The following G2E3 variants were observed in gnomAD, a reference collection of about 807,000 sequenced individuals.
G2E3 encodes the protein G2/M phase-specific E3 ubiquitin-protein ligase.
Under a neutral mutation model 92.8 loss-of-function variants are expected in G2E3, and 35 were observed. The observed-to-expected ratio is 0.38, with a 90% CI of 0.29 to 0.50. The LOEUF (loss-of-function observed/expected upper bound fraction) is 0.50, where lower values mean the gene tolerates loss of function less well. G2E3 is among the 20% of genes least tolerant of loss of function. G2E3 has a pLI of 0.94. For synonymous variants in G2E3, 242 were observed against 272.4 expected, an observed-to-expected ratio of 0.89 and a Z score of 1.10; for missense variants, 554 against 823.8, an observed-to-expected ratio of 0.67 and a Z score of 4.01.
intron 5 of G2E3, 45 bp from the exon 6 acceptor site, chr14:30,593,429 G>C (rs1360422272): frequency 1.1e-6 from 1 of 911,644 alleles, no homozygotes; most frequent in African/African-American, 1.7e-5. Context: ...TCCAAGTTTT[G>C]CTTTGCAGTT....
chr14:30,567,294 G>C (rs1879493524), intron 1 of G2E3, among the ~76,000 whole-genome samples: 1 of 152,040 alleles, frequency 6.6e-6, no homozygotes, highest in African/African-American at 2.4e-5. Flanking sequence ...ACCCATCTGG[G>C]CTAGGACTTT....
intron 3 of G2E3, among the ~76,000 whole-genome samples, chr14:30,588,056 G>C (rs1029729284): frequency 1.3e-5 from 2 of 152,108 alleles, no homozygotes; most frequent in Admixed American, 1.3e-4. Context: ...TTGTGCCTCC[G>C]TACCTCAAAG....
chr14:30,597,387 C>G, intron 6 of G2E3, 33 bp from the exon 7 acceptor site: 2 of 1,012,376 alleles, frequency 2.0e-6, no homozygotes, highest in Non-Finnish European at 3.2e-6. Context: ...AGATTTAAAT[C>G]ATTAACAGTA....
At position 30,589,469 on chromosome 14, in the gene G2E3, T is replaced by A; in HGVS notation, c.222T>A (p.Asn74Lys). Residue 74 changes from asparagine to lysine, a missense_variant, in exon 4 of 15, where the codon AAT (asparagine) becomes AAA (lysine). Coordinates refer to ENST00000206595, the MANE Select transcript of G2E3 (RefSeq NM_017769.5). ...FLIEDIRKEV[N>K]RASKLKCCVC... ...TAGAAGATATCAGGAAGGAAGTGAA[T>A]AGAGCTTCTAAACTGGTAAGTAAAT... The A allele has an allele frequency of 4.1e-6, 6 of 1,456,234 alleles. No homozygotes were observed. Among genetic ancestry groups the A allele is most frequent in the South Asian group, 2.3e-5 (2 of 86,942 alleles). 90.2% of individuals were successfully genotyped at this position (1,456,234 alleles called of 1,614,324 possible).
chr14:30,582,463 G>C (rs921959899), intron 2 of G2E3, among the ~76,000 whole-genome samples: 3 of 152,144 alleles, frequency 2.0e-5, no homozygotes, highest in African/African-American at 7.2e-5. Context: ...GGAACAAATG[G>C]AAAACCACAG....
intron 6 of G2E3, among the ~76,000 whole-genome samples, chr14:30,595,893 C>T (rs1227121374): frequency 6.6e-6 from 1 of 152,124 alleles, no homozygotes; most frequent in Non-Finnish European, 1.5e-5. Context: ...TCTGTGTCTA[C>T]AGAATTGTCA....
chr14:30,590,261 T>C (rs961969406), intron 4 of G2E3, among the ~76,000 whole-genome samples: 3 of 152,158 alleles, frequency 2.0e-5, no homozygotes, highest in African/African-American at 7.2e-5. Flanking sequence ...TGAAGGACAC[T>C]GACACATTAT....
intron 1 of G2E3, among the ~76,000 whole-genome samples, chr14:30,578,329 T>A (rs937683441): frequency 1.1e-4 from 17 of 152,224 alleles, no homozygotes; most frequent in African/African-American, 4.1e-4. Context: ...AAGGAACTCC[T>A]ATATATCCTT....
chr14:30,601,125 C>G (rs545647169), intron 8 of G2E3, among the ~76,000 whole-genome samples: 3 of 152,106 alleles, frequency 2.0e-5, no homozygotes, highest in African/African-American at 7.2e-5. Flanking sequence ...CTCACACACA[C>G]GGGGAGCTAA....
chr14:30,565,308 G>T (rs1879361510), intron 1 of G2E3, among the ~76,000 whole-genome samples: 1 of 152,036 alleles, frequency 6.6e-6, no homozygotes, highest in Non-Finnish European at 1.5e-5. Context: ...TCATTTTTAA[G>T]TTGGATTACT....
intron 4 of G2E3, among the ~76,000 whole-genome samples, chr14:30,592,010 G>A (rs529980310): frequency 2.6e-5 from 4 of 152,142 alleles, no homozygotes; most frequent in Non-Finnish European, 5.9e-5. Context: ...TATGTATATA[G>A]CTTTTATGTT....
intron 4 of G2E3, among the ~76,000 whole-genome samples, chr14:30,591,609 A>C (rs1376742049): frequency 6.6e-6 from 1 of 152,122 alleles, no homozygotes; most frequent in Non-Finnish European, 1.5e-5. Context: ...GGCTTGTGGC[A>C]GCATAACTCC....
At chr14:30,598,394 A>T in intron 7 of G2E3, 89 bp from the exon 8 acceptor site, 1 of 927,848 alleles carries the variant, frequency 1.1e-6, no homozygotes, top group Non-Finnish European at 1.7e-6. Flanking sequence ...CTCAAGAACA[A>T]AAAAAGGTTT....
intron 3 of G2E3, among the ~76,000 whole-genome samples, chr14:30,588,229 T>G (rs528017425): frequency 6.6e-6 from 1 of 152,296 alleles, no homozygotes; most frequent in East Asian, 1.9e-4. Flanking sequence ...CAGGAAAGGA[T>G]TATTTTACTT....
At chr14:30,593,674 A>T in intron 6 of G2E3, 35 bp downstream of exon 6, 1 of 1,406,898 alleles carries the variant, frequency 7.1e-7, no homozygotes, top group African/African-American at 1.4e-5. Flanking sequence ...TCTCTGATTG[A>T]TATAAAATTA....
chr14:30,598,644 CCTT>C (rs1881408256), intron 8 of G2E3, 45 bp downstream of exon 8: 2 of 1,171,960 alleles, frequency 1.7e-6, no homozygotes, highest in African/African-American at 3.0e-5. Flanking sequence ...CTTGTTTAAA[CCTT>C]CTGCTGAGAA....
At chr14:30,577,513 G>C (rs930345500) in intron 1 of G2E3, among the ~76,000 whole-genome samples, 2 of 152,182 alleles carry the variant, frequency 1.3e-5, no homozygotes, top group African/African-American at 4.8e-5. Flanking sequence ...AATTGCAGTC[G>C]TATGAAGGCT....
At chr14:30,562,779 C>T (rs1196887536) in intron 1 of G2E3, among the ~76,000 whole-genome samples, 2 of 152,174 alleles carry the variant, frequency 1.3e-5, no homozygotes, top group Non-Finnish European at 2.9e-5. Context: ...CTGGCTCTGC[C>T]TTTTAGATAG....
chr14:30,568,463 C>T (rs1879568098), intron 1 of G2E3, among the ~76,000 whole-genome samples: 1 of 151,938 alleles, frequency 6.6e-6, no homozygotes, highest in African/African-American at 2.4e-5. Flanking sequence ...TAAATACTAT[C>T]TTTCTGTTCC....
Sources: allele counts gnomAD v4.1 joint callset (sites outside exome capture counted in the v4.1 genomes callset), GRCh38; gene constraint gnomAD v4.1.1; transcripts MANE v1.5; gene names NCBI Gene and HGNC (gene_info 2026-07-23, HGNC 2026-07-21).